SLC15A2: variants seen among roughly 807,000 people sequenced by gnomAD.
The protein encoded by SLC15A2 is kidney H(+)/peptide cotransporter.
Under a neutral mutation model 95.5 loss-of-function variants are expected in SLC15A2, and 77 were observed. The observed-to-expected ratio is 0.81, with a 90% CI of 0.67 to 0.97. The LOEUF is 0.97. Ranked by LOEUF, SLC15A2 falls within the 50% of genes least tolerant of loss-of-function variation. SLC15A2 has a pLI of 0.00. For missense variants in SLC15A2, 893 were observed against 874.4 expected (o/e 1.02, Z -0.27); for synonymous variants, 306 against 306.9 (o/e 1.00, Z 0.03).
At chr3:121,919,115 T>C (rs1709954465) in intron 7 of SLC15A2, among the ~76,000 whole-genome samples, 1 of 152,010 alleles carries the variant, frequency 6.6e-6, no homozygotes, top group South Asian at 2.1e-4. Flanking sequence ...GCTCAGGGAG[T>C]CCCAAGGTCT....
intron 7 of SLC15A2, among the ~76,000 whole-genome samples, chr3:121,917,773 G>C (rs1208345038): frequency 6.6e-6 from 1 of 152,100 alleles, no homozygotes; most frequent in Admixed American, 6.5e-5. Flanking sequence ...TGACATTTAA[G>C]GTGAGACCTA....
At chr3:121,902,869 A>G (rs1369519967) in intron 3 of SLC15A2, among the ~76,000 whole-genome samples, 1 of 152,258 alleles carries the variant, frequency 6.6e-6, no homozygotes, top group African/African-American at 2.4e-5. Context: ...CTTTGGGTAT[A>G]TACCCAGTAA....
intron 3 of SLC15A2, among the ~76,000 whole-genome samples, chr3:121,911,055 CAGT>C (rs1388826476): frequency 6.6e-6 from 1 of 152,196 alleles, no homozygotes; most frequent in Non-Finnish European, 1.5e-5. Context: ...TTTTACCTCC[CAGT>C]GCTTCTTGAG....
At chr3:121,939,323 C>T (rs757376162) in intron 19 of SLC15A2, 26 bp from the exon 20 acceptor site, 3 of 1,468,160 alleles carry the variant, frequency 2.0e-6, no homozygotes, top group Non-Finnish European at 2.7e-6. Flanking sequence ...ACTGACAAGT[C>T]CATTTCCATT....
intron 3 of SLC15A2, among the ~76,000 whole-genome samples, chr3:121,903,686 C>T (rs1464888531): frequency 6.6e-6 from 1 of 152,056 alleles, no homozygotes; most frequent in East Asian, 1.9e-4. Context: ...TTTCTGAGGC[C>T]TCTGTTCTGT....
intron 1 of SLC15A2, 118 bp downstream of exon 1, chr3:121,894,699 T>G (rs1388901117): frequency 1.7e-5 from 11 of 636,034 alleles, no homozygotes; most frequent in Middle Eastern, 3.7e-4. Flanking sequence ...GCTTCTCTCT[T>G]GGATTTAGAA....
At chr3:121,906,614 A>G (rs900929327) in intron 3 of SLC15A2, among the ~76,000 whole-genome samples, 4 of 152,148 alleles carry the variant, frequency 2.6e-5, no homozygotes, top group African/African-American at 9.7e-5. Context: ...TCCTTCACTT[A>G]TGAAGCTTAG....
At chr3:121,895,622 G>A (rs1047559768) in intron 1 of SLC15A2, among the ~76,000 whole-genome samples, 2 of 152,096 alleles carry the variant, frequency 1.3e-5, no homozygotes, top group African/African-American at 4.8e-5. Context: ...CTGTACTGAG[G>A]ACAGATACCT....
intron 3 of SLC15A2, among the ~76,000 whole-genome samples, chr3:121,898,748 C>T (rs1709467833): frequency 1.3e-5 from 2 of 152,130 alleles, no homozygotes; most frequent in Admixed American, 1.3e-4. Context: ...TAGTGTTTCC[C>T]AAACCAGTTT....
chr3:121,929,174 A>G, intron 16 of SLC15A2, 28 bp downstream of exon 16: 1 of 1,606,144 alleles, frequency 6.2e-7, no homozygotes, highest in Non-Finnish European at 8.5e-7. Flanking sequence ...CTGTGTTTTC[A>G]GTTGTCATCT....
At chr3:121,922,136 TGAA>T in intron 7 of SLC15A2, 81 bp from the exon 8 acceptor site, 5 of 1,131,834 alleles carry the variant, frequency 4.4e-6, no homozygotes, top group Non-Finnish European at 6.5e-6. Context: ...TTTTTGCCAT[TGAA>T]AGTAATGGCA....
chr3:121,935,938 G>A (rs2107610629), intron 19 of SLC15A2, among the ~76,000 whole-genome samples: 1 of 152,208 alleles, frequency 6.6e-6, no homozygotes, highest in African/African-American at 2.4e-5. Context: ...TGCTTTGAAT[G>A]TGTCCCAGAG....
At chr3:121,915,972 T>A (rs973089966) in intron 7 of SLC15A2, among the ~76,000 whole-genome samples, 1 of 152,184 alleles carries the variant, frequency 6.6e-6, no homozygotes, top group Non-Finnish European at 1.5e-5. Flanking sequence ...GGCTTTTTTT[T>A]AGTATCTCGG....
At chr3:121,926,934 G>A (rs951289739) in intron 13 of SLC15A2, among the ~76,000 whole-genome samples, 1 of 152,246 alleles carries the variant, frequency 6.6e-6, no homozygotes, top group Non-Finnish European at 1.5e-5. Flanking sequence ...GGAACTTTAA[G>A]ATTTAATAAC....
chr3:121,911,236 C>T (rs1321814509), intron 3 of SLC15A2, among the ~76,000 whole-genome samples: 1 of 152,138 alleles, frequency 6.6e-6, no homozygotes, highest in Non-Finnish European at 1.5e-5. Flanking sequence ...GCTACAAATC[C>T]ACCTTGTTCT....
rs538110514 is a variant in SLC15A2 at position 121,943,817 on chromosome 3, T to G, written c.*2810T>G. ...TCTCCAGCTATATGGTGTAGACTGT[T>G]TCTCCTAGGCTACAAACCTGCACAG... On this transcript the variant is annotated 3_prime_UTR_variant, in exon 22 of 22. Coordinates refer to ENST00000489711, the MANE Select transcript of SLC15A2 (RefSeq NM_021082.4). 49 of 152,362 alleles carry G rather than the reference T, an allele frequency of 3.2e-4. No individual in the cohort carries two copies. Among genetic ancestry groups the G allele is most frequent in the Non-Finnish European group, 6.2e-4 (42 of 68,036 alleles). The allele number at this position is 152,362 out of a possible 1,614,324, so 9.4% of individuals were successfully genotyped here.
chr3:121,932,906 C>T (rs1220454877), intron 19 of SLC15A2, among the ~76,000 whole-genome samples: 2 of 152,084 alleles, frequency 1.3e-5, no homozygotes, highest in East Asian at 3.9e-4. Flanking sequence ...TGCTATCCCT[C>T]CCCCCTCCGC....
At chr3:121,906,308 A>G (rs1028997786) in intron 3 of SLC15A2, among the ~76,000 whole-genome samples, 5 of 152,200 alleles carry the variant, frequency 3.3e-5, no homozygotes, top group East Asian at 1.9e-4. Context: ...TTGACTCTTT[A>G]TCCAATTTGC....
intron 14 of SLC15A2, 116 bp from the exon 15 acceptor site, chr3:121,928,305 A>G: frequency 7.8e-7 from 1 of 1,289,848 alleles, no homozygotes; most frequent in Non-Finnish European, 1.1e-6. Context: ...TCAGAGGGAG[A>G]AAACTATGTC....
Sources: allele counts gnomAD v4.1 joint callset (sites outside exome capture counted in the v4.1 genomes callset), GRCh38; gene constraint gnomAD v4.1.1; transcripts MANE v1.5; gene names NCBI Gene and HGNC (gene_info 2026-07-23, HGNC 2026-07-21).